Variants in CCDC88C observed in about 807,000 individuals in gnomAD.
The protein encoded by CCDC88C is coiled-coil and HOOK domain protein 88C.
In CCDC88C, 131 loss-of-function variants were observed where a neutral mutation model predicts 198.8. That is an observed-to-expected ratio of 0.66 (90% CI 0.57 to 0.76). The LOEUF (loss-of-function observed/expected upper bound fraction) is 0.76, where lower values mean the gene tolerates loss of function less well. CCDC88C is among the 30% of genes least tolerant of loss of function. CCDC88C has a pLI of 0.00. For missense variants in CCDC88C, 2,553 were observed against 2,631.6 expected, an observed-to-expected ratio of 0.97 and a Z score of 0.65; for synonymous variants, 1,166 against 1,114.7, an observed-to-expected ratio of 1.05 and a Z score of -0.92.
chr14:91,400,633 G>A (rs1022686268), intron 3 of CCDC88C, among the ~76,000 whole-genome samples: 3 of 152,170 alleles, frequency 2.0e-5, no homozygotes, highest in Non-Finnish European at 4.4e-5. Flanking sequence ...CAACAAAAAC[G>A]AAGTCCACCC....
At chr14:91,300,219 A>T in intron 20 of CCDC88C, 149 bp from the exon 21 acceptor site, 1 of 1,235,934 alleles carries the variant, frequency 8.1e-7, no homozygotes, top group South Asian at 1.5e-5. Flanking sequence ...TGGGGCAGGG[A>T]ACAGGCGGGG....
intron 4 of CCDC88C, among the ~76,000 whole-genome samples, chr14:91,356,617 A>T (rs1894049418): frequency 6.6e-6 from 1 of 152,066 alleles, no homozygotes; most frequent in African/African-American, 2.4e-5. Flanking sequence ...AGCTTTGTAT[A>T]TTTATGAAAA....
In CCDC88C at chr14:91,360,252, T is replaced by TCACACACACACACACACACA. The variant is rs57026211; in HGVS notation, c.271-561_271-542dup. Among the ~76,000 whole-genome samples, 36 of 144,312 alleles carry TCACACACACACACACACACA rather than the reference T, an allele frequency of 2.5e-4. 1 individual carries two copies. The highest frequency in any genetic ancestry group is 1.4e-3 in the East Asian group (7 of 4,854). 94.7% of individuals were successfully genotyped at this position (144,312 alleles called of 152,430 possible). A position where few individuals can be genotyped will look rare whatever the true frequency, so the allele number is the denominator to read the frequency against. On this transcript the variant is annotated intron_variant, in intron 3 of 29. Coordinates refer to ENST00000389857, the MANE Select transcript of CCDC88C (RefSeq NM_001080414.4). The stretch of plus-strand genomic sequence containing the variant: ...TGGGCAACATAGCAAGACCCCATCT[T>TCACACACACACACACACACA]CACACACACACACACACACACACAC...
At chr14:91,277,120 C>T (rs1485815326) in intron 29 of CCDC88C, among the ~76,000 whole-genome samples, 4 of 152,170 alleles carry the variant, frequency 2.6e-5, no homozygotes, top group Non-Finnish European at 5.9e-5. Flanking sequence ...AAGGCACCTG[C>T]CACAAGGCCC....
Position 91,288,946 on chromosome 14 carries a change from C to T in CCDC88C, c.4441+159G>A, listed in dbSNP as rs149262608. Reference sequence around the variant, plus strand: ...GCATTATGGGACAAAACGGTCGCCACGCTGAATTTCTACTTGGCTCGTAAC... The same window carrying T: ...GCATTATGGGACAAAACGGTCGCCATGCTGAATTTCTACTTGGCTCGTAAC... On this transcript the variant is annotated intron_variant, in intron 25 of 29. Transcript: ENST00000389857. The surrounding 1 kb of genome is among the most constrained non-coding windows in gnomAD (Gnocchi z 4.2). The T allele has an allele frequency of 1.7e-5, 10 of 602,482 alleles. No individual in the cohort carries two copies. The highest frequency in any genetic ancestry group is 8.2e-5 in the South Asian group (4 of 48,554). 37.3% of individuals were successfully genotyped at this position (602,482 alleles called of 1,614,324 possible). A position where few individuals can be genotyped will look rare whatever the true frequency, so the allele number is the denominator to read the frequency against.
chr14:91,301,648 T>A (rs540879753), intron 20 of CCDC88C, among the ~76,000 whole-genome samples: 54 of 152,060 alleles, frequency 3.6e-4, no homozygotes, highest in African/African-American at 1.3e-3. Flanking sequence ...AGCCGGGAGG[T>A]GGAGGCTGCT....
chr14:91,306,624 G>A (rs971001527), intron 18 of CCDC88C, among the ~76,000 whole-genome samples: 3 of 152,178 alleles, frequency 2.0e-5, no homozygotes, highest in Non-Finnish European at 2.9e-5. Flanking sequence ...AATACTTTTG[G>A]GTTTGCCAGC....
At chr14:91,326,095 G>A in intron 10 of CCDC88C, 39 bp from the exon 11 acceptor site, 1 of 1,582,892 alleles carries the variant, frequency 6.3e-7, no homozygotes, top group South Asian at 1.1e-5. Context: ...ATCAGATAAA[G>A]GCACCTGGGT....
chr14:91,399,422 G>A (rs965260414), intron 3 of CCDC88C, among the ~76,000 whole-genome samples: 7 of 152,110 alleles, frequency 4.6e-5, no homozygotes, highest in Non-Finnish European at 7.4e-5. Flanking sequence ...CCTAGAGCTC[G>A]TCCTTCTCTC....
intron 3 of CCDC88C, among the ~76,000 whole-genome samples, chr14:91,404,425 T>C (rs1886372042): frequency 6.6e-6 from 1 of 152,120 alleles, no homozygotes; most frequent in South Asian, 2.1e-4. Flanking sequence ...CTTCTAGAAA[T>C]CACCAGAAAT....
At chr14:91,395,186 T>C (rs1026127979) in intron 3 of CCDC88C, among the ~76,000 whole-genome samples, 1 of 152,166 alleles carries the variant, frequency 6.6e-6, no homozygotes, top group African/African-American at 2.4e-5. Flanking sequence ...TGGTTGTTTT[T>C]CCATTTCTAT....
At chr14:91,365,274 A>G (rs964951638) in intron 3 of CCDC88C, among the ~76,000 whole-genome samples, 3 of 152,124 alleles carry the variant, frequency 2.0e-5, no homozygotes, top group African/African-American at 7.2e-5. Context: ...AATGAGTGGC[A>G]GGCAGGTGTC....
intron 3 of CCDC88C, among the ~76,000 whole-genome samples, chr14:91,404,324 G>A (rs74087924): frequency 1.1e-4 from 16 of 152,226 alleles, no homozygotes; most frequent in African/African-American, 3.4e-4. Flanking sequence ...GTCCTGGGGC[G>A]GTGAGACGTG....
rs1217841334 is a variant in CCDC88C, at chr14:91,273,462, G to A, written c.5250C>T (p.Tyr1750=). The A allele has an allele frequency of 4.4e-6, 7 of 1,586,520 alleles. No individual in the cohort carries two copies. The highest frequency in any genetic ancestry group is 1.8e-5 in the Admixed American group (1 of 56,038). ...SEGRPLKPGQ[Y]VKPNFRLTEA... ...CAGTCAGTCTGAAGTTTGGCTTTAC[G>A]TACTGCCCGGGCTTCAGCGGCCTCC... The change falls in exon 30 of 30, where the codon TAC becomes TAT. Residue 1750 remains tyrosine (Y), a synonymous_variant. Transcript: ENST00000389857. This position sits in a 1 kb window ranked among gnomAD's most constrained non-coding sequence, Gnocchi z 5.6.
chr14:91,286,786 T>G (rs1890426612), intron 25 of CCDC88C, among the ~76,000 whole-genome samples: 7 of 152,188 alleles, frequency 4.6e-5, no homozygotes, highest in Admixed American at 4.6e-4. Context: ...GTGCATGCAG[T>G]TAAGAGCTCA....
At chr14:91,391,863 T>C (rs1770358142) in intron 3 of CCDC88C, among the ~76,000 whole-genome samples, 1 of 152,174 alleles carries the variant, frequency 6.6e-6, no homozygotes, top group African/African-American at 2.4e-5. Flanking sequence ...TTTCTTGTTT[T>C]TAAAATTTTT....
At chr14:91,300,611 G>A (rs1235183992) in intron 20 of CCDC88C, among the ~76,000 whole-genome samples, 1 of 152,142 alleles carries the variant, frequency 6.6e-6, no homozygotes, top group Non-Finnish European at 1.5e-5. Context: ...TCACCCAGGA[G>A]CTGCCAGGGA....
chr14:91,277,856 G>C (rs1165169337), intron 29 of CCDC88C, 66 bp downstream of exon 29: 3 of 1,436,872 alleles, frequency 2.1e-6, no homozygotes, highest in Non-Finnish European at 2.8e-6. Flanking sequence ...CTGCAGCTAT[G>C]ATCTTGAGCC....
At position 91,294,185 on chromosome 14, in the gene CCDC88C, T is replaced by C; in HGVS notation, c.4100A>G (p.Gln1367Arg). 16 of 1,614,026 alleles carry C rather than the reference T, an allele frequency of 9.9e-6. No individual in the cohort carries two copies. Among genetic ancestry groups the C allele is most frequent in the Non-Finnish European group, 1.4e-5 (16 of 1,179,872 alleles). Residue 1367 changes from glutamine to arginine, a missense_variant, in exon 23 of 30, where the codon CAG (glutamine) becomes CGG (arginine). Physicochemically the swap from Gln to Arg is conservative, Grantham distance 43 (BLOSUM62 1). Transcript: ENST00000389857. Reference sequence around the variant, plus strand: ...ACTCCCTGCTTACATGTACTGCTTCTGCTCCTCATGGTACTGCTCCTTGTT... The same window carrying C: ...ACTCCCTGCTTACATGTACTGCTTCCGCTCCTCATGGTACTGCTCCTTGTT... The part of the protein sequence containing the change: ...MENKEQYHEE[Q>R]KQYIDKLNAL...
Sources: gnomAD v4.1 joint callset for allele counts (sites outside exome capture counted in the v4.1 genomes callset) on GRCh38, gnomAD v4.1.1 for gene constraint, Gnocchi (gnomAD v3.1) non-coding constraint, MANE v1.5 for transcripts, NCBI Gene and HGNC (gene_info 2026-07-23, HGNC 2026-07-21) for gene names.